Variants in ULK4 observed in about 807,000 individuals in gnomAD.
ULK4 encodes inactive serine/threonine-protein kinase ULK4.
ULK4 carries 133 observed loss-of-function variants against 160.6 expected under a neutral mutation model. The ratio of observed to expected loss-of-function variants is 0.83; its 90% CI spans 0.72 to 0.96. The LOEUF is 0.96. Among genes scored for constraint, ULK4 ranks in the 40% least tolerant of loss-of-function variants. The pLI is 0.00. For synonymous variants in ULK4, 534 were observed against 539.8 expected, an observed-to-expected ratio of 0.99 and a Z score of 0.15; for missense variants, 1,580 against 1,499.5, an observed-to-expected ratio of 1.05 and a Z score of -0.89.
chr3:41,700,156 A>G (rs1415026813), intron 27 of ULK4, among the ~76,000 whole-genome samples: 2 of 152,204 alleles, frequency 1.3e-5, no homozygotes, highest in Non-Finnish European at 2.9e-5. Context: ...AAAATGCCAG[A>G]TAAAATATAA....
At chr3:41,614,780 T>A (rs1324492255) in intron 31 of ULK4, among the ~76,000 whole-genome samples, 3 of 152,168 alleles carry the variant, frequency 2.0e-5, no homozygotes, top group Admixed American at 6.5e-5. Flanking sequence ...AAACGATTTA[T>A]AGAATAATAT....
intron 17 of ULK4, among the ~76,000 whole-genome samples, chr3:41,843,213 AT>A: frequency 6.6e-6 from 1 of 152,370 alleles, no homozygotes; most frequent in South Asian, 2.1e-4. Context: ...GTTCAACATC[AT>A]TGGCAACTAG....
intron 32 of ULK4, among the ~76,000 whole-genome samples, chr3:41,522,425 C>T (rs983908252): frequency 6.6e-6 from 1 of 152,066 alleles, no homozygotes; most frequent in African/African-American, 2.4e-5. Context: ...CAGGCGTGAG[C>T]CACCACATGC....
In ULK4 at chr3:41,794,686, A is replaced by AAAAAAAAAAAAC. The variant is rs1553654814; in HGVS notation, c.2011-4844_2011-4843insGTTTTTTTTTTT. On this transcript the variant is annotated intron_variant, in intron 20 of 36. Coordinates refer to ENST00000301831, the MANE Select transcript of ULK4 (RefSeq NM_017886.4). ...AAAAAAAAAAAAAAAAAAAAAAAAA[A>AAAAAAAAAAAAC]CACAGAAAAAAAAACCACAAACCTG... Among the ~76,000 whole-genome samples the AAAAAAAAAAAAC allele has an allele frequency of 3.9e-4, 44 of 112,420 alleles. 3 individuals carry two copies. The highest frequency in any genetic ancestry group is 1.6e-3 in the African/African-American group (39 of 24,160). The allele number at this position is 112,420 out of a possible 152,430, so 73.8% of individuals were successfully genotyped here.
At chr3:41,587,719 C>A (rs2030932456) in intron 31 of ULK4, among the ~76,000 whole-genome samples, 1 of 152,174 alleles carries the variant, frequency 6.6e-6, no homozygotes, top group Non-Finnish European at 1.5e-5. Flanking sequence ...TAGCACAATA[C>A]CAGTGCTTAA....
At chr3:41,668,722 G>T (rs2035433139) in intron 29 of ULK4, among the ~76,000 whole-genome samples, 1 of 152,066 alleles carries the variant, frequency 6.6e-6, no homozygotes, top group South Asian at 2.1e-4. Context: ...AAGGGAGTTA[G>T]GCTGGTTAGA....
intron 31 of ULK4, among the ~76,000 whole-genome samples, chr3:41,605,046 T>C (rs995751707): frequency 6.6e-6 from 1 of 152,042 alleles, no homozygotes; most frequent in Non-Finnish European, 1.5e-5. Flanking sequence ...CTCAGCTACT[T>C]TGTCCAGTAG....
At chr3:41,532,418 C>T (rs536085357) in intron 32 of ULK4, among the ~76,000 whole-genome samples, 32 of 152,282 alleles carry the variant, frequency 2.1e-4, no homozygotes, top group African/African-American at 7.5e-4. Context: ...TATTTATTCT[C>T]AGTATTTATT....
At chr3:41,907,089 G>A (rs1179628913) in intron 12 of ULK4, among the ~76,000 whole-genome samples, 1 of 152,148 alleles carries the variant, frequency 6.6e-6, no homozygotes, top group Non-Finnish European at 1.5e-5. Context: ...AAAATGCACA[G>A]AACAAGTAAA....
intron 29 of ULK4, among the ~76,000 whole-genome samples, chr3:41,680,213 A>C (rs1258516254): frequency 6.6e-6 from 1 of 152,204 alleles, no homozygotes; most frequent in Non-Finnish European, 1.5e-5. Flanking sequence ...ATATATAACA[A>C]ATGTAACTGA....
intron 22 of ULK4, among the ~76,000 whole-genome samples, chr3:41,753,176 A>G (rs2038686585): frequency 6.6e-6 from 1 of 152,120 alleles, no homozygotes; most frequent in Non-Finnish European, 1.5e-5. Flanking sequence ...CCATGATTAC[A>G]CCACTGCACT....
intron 12 of ULK4, among the ~76,000 whole-genome samples, chr3:41,902,807 G>T (rs1698424082): frequency 6.6e-6 from 1 of 152,112 alleles, no homozygotes. Flanking sequence ...TGTGCTCTTA[G>T]GGAAGATAAA....
intron 2 of ULK4, among the ~76,000 whole-genome samples, chr3:41,949,000 T>C (rs1201711142): frequency 6.6e-6 from 1 of 152,106 alleles, no homozygotes; most frequent in African/African-American, 2.4e-5. Context: ...ATGATGTGAT[T>C]GATTTTATAT....
At chr3:41,846,783 C>T (rs528097984) in intron 17 of ULK4, among the ~76,000 whole-genome samples, 14 of 137,686 alleles carry the variant, frequency 1.0e-4, no homozygotes, top group African/African-American at 2.3e-4. Context: ...CCAGCCTGGG[C>T]GACAGAGCGA....
intron 1 of ULK4, 87 bp from the exon 2 acceptor site, chr3:41,954,894 G>A: frequency 2.4e-6 from 2 of 841,768 alleles, no homozygotes; most frequent in East Asian, 2.8e-5. Context: ...GATATTATAT[G>A]TGTAAAAAAT....
chr3:41,891,883 T>A (rs1195728080), intron 16 of ULK4, among the ~76,000 whole-genome samples: 1 of 152,122 alleles, frequency 6.6e-6, no homozygotes, highest in Non-Finnish European at 1.5e-5. Context: ...CCAGCCTGAG[T>A]GACTGAGCGA....
intron 35 of ULK4, among the ~76,000 whole-genome samples, chr3:41,262,188 C>T (rs941592534): frequency 5.9e-5 from 9 of 152,166 alleles, no homozygotes; most frequent in South Asian, 2.1e-4. Flanking sequence ...GAGACAGGGC[C>T]GGTGTCCAAC....
At chr3:41,670,173 G>A (rs755950461) in intron 29 of ULK4, among the ~76,000 whole-genome samples, 4 of 152,144 alleles carry the variant, frequency 2.6e-5, no homozygotes, top group Admixed American at 6.6e-5. Context: ...AGATATTCTG[G>A]GTTTAGGTAA....
chr3:41,873,880 T>TG (rs1553679855), intron 17 of ULK4, among the ~76,000 whole-genome samples: 22 of 131,512 alleles, frequency 1.7e-4, no homozygotes, highest in East Asian at 4.4e-4. Flanking sequence ...TGGTTTTTTT[T>TG]GTTTTTTTTT....
Sources: gnomAD v4.1 joint callset for allele counts (sites outside exome capture counted in the v4.1 genomes callset) on GRCh38, gnomAD v4.1.1 for gene constraint, MANE v1.5 for transcripts, NCBI Gene and HGNC (gene_info 2026-07-23, HGNC 2026-07-21) for gene names.